DPYD: variants seen among roughly 807,000 people sequenced by gnomAD.
DPYD encodes dihydropyrimidine dehydrogenase.
DPYD carries 109 observed loss-of-function variants against 116.2 expected under a neutral mutation model. The ratio of observed to expected loss-of-function variants is 0.94; its 90% CI spans 0.80 to 1.10. DPYD has a LOEUF of 1.10. Ranked by LOEUF, DPYD falls within the 50% of genes least tolerant of loss-of-function variation. The pLI is 0.00. For missense variants in DPYD, 1,302 were observed against 1,254.5 expected (o/e 1.04, Z -0.57); for synonymous variants, 440 against 432.0 (o/e 1.02, Z -0.23).
intron 14 of DPYD, among the ~76,000 whole-genome samples, chr1:97,436,062 T>C (rs1455994564): frequency 6.6e-6 from 1 of 152,044 alleles, no homozygotes; most frequent in African/African-American, 2.4e-5. Context: ...ATGGGCCCTT[T>C]GCACATTTTA....
chr1:97,211,935 C>G (rs1393770504), intron 19 of DPYD, among the ~76,000 whole-genome samples: 1 of 152,044 alleles, frequency 6.6e-6, no homozygotes, highest in Non-Finnish European at 1.5e-5. Flanking sequence ...GTGAAATCCC[C>G]CTTACTTGCC....
chr1:97,306,383 G>C, intron 16 of DPYD, 86 bp from the exon 17 acceptor site: 1 of 1,566,826 alleles, frequency 6.4e-7, no homozygotes, highest in Non-Finnish European at 8.8e-7. Context: ...AGCTGGAGAC[G>C]TGCAAGACAA....
chr1:97,362,107 C>G (rs147193697), intron 16 of DPYD, among the ~76,000 whole-genome samples: 8,321 of 152,318 alleles, frequency 0.055, 324 homozygotes, highest in East Asian at 0.17. Flanking sequence ...TCAGCAAAGT[C>G]TCAGGATACA....
At chr1:97,415,566 C>G (rs1674246721) in intron 14 of DPYD, among the ~76,000 whole-genome samples, 1 of 152,276 alleles carries the variant, frequency 6.6e-6, no homozygotes, top group African/African-American at 2.4e-5. Context: ...AAGTGATCTG[C>G]TCACCTTGGT....
At chr1:97,780,095 G>A (rs779627332) in intron 3 of DPYD, among the ~76,000 whole-genome samples, 1 of 152,098 alleles carries the variant, frequency 6.6e-6, no homozygotes, top group Non-Finnish European at 1.5e-5. Context: ...TCCCACAAAA[G>A]CAATTTTTAA....
intron 2 of DPYD, among the ~76,000 whole-genome samples, chr1:97,850,148 A>T (rs1670500882): frequency 6.6e-6 from 1 of 152,216 alleles, no homozygotes; most frequent in Non-Finnish European, 1.5e-5. Flanking sequence ...TGAGCTGTCT[A>T]AGGGAAATGA....
At chr1:97,310,649 G>A (rs1328716236) in intron 16 of DPYD, among the ~76,000 whole-genome samples, 1 of 151,662 alleles carries the variant, frequency 6.6e-6, no homozygotes, top group Non-Finnish European at 1.5e-5. Flanking sequence ...TCTGACTTAA[G>A]TATTCTAAAG....
At chr1:97,079,914 A>G (rs2101551056) in intron 22 of DPYD, among the ~76,000 whole-genome samples, 1 of 152,032 alleles carries the variant, frequency 6.6e-6, no homozygotes, top group Middle Eastern at 3.4e-3. Flanking sequence ...TCTTTCCATG[A>G]AGCAATGTAG....
intron 20 of DPYD, among the ~76,000 whole-genome samples, chr1:97,134,014 AATATATATAT>A (rs1165027630): frequency 0.012 from 228 of 18,588 alleles, 3 homozygotes; most frequent in South Asian, 0.018. Context: ...AAAAAAAAAA[AATATATATAT>A]ATATATATAT....
rs148760136 is a variant in DPYD, at chr1:97,228,541, C to T, written c.2442+6311G>A. ...CTCACTTATCTACATAGTCTATACA[C>T]ATGATGAATAGTGTATGAGAAAAAT... is the stretch of plus-strand genomic sequence containing the variant. On this transcript the variant is annotated intron_variant, in intron 19 of 22. Transcript: ENST00000370192. 8.7e-4 allele frequency among the ~76,000 whole-genome samples: 132 copies of T among 152,228 alleles called. 1 individual carries two copies. Among genetic ancestry groups the T allele is most frequent in the African/African-American group, 3.0e-3 (124 of 41,552 alleles).
At chr1:97,094,025 T>C (rs1650062256) in intron 21 of DPYD, among the ~76,000 whole-genome samples, 1 of 152,024 alleles carries the variant, frequency 6.6e-6, no homozygotes, top group African/African-American at 2.4e-5. Flanking sequence ...AAACAATCTT[T>C]TCCTCTACTC....
intron 20 of DPYD, among the ~76,000 whole-genome samples, chr1:97,139,573 T>C (rs140213659): frequency 3.3e-5 from 5 of 152,294 alleles, no homozygotes; most frequent in Non-Finnish European, 7.4e-5. Flanking sequence ...TGAAGTATCA[T>C]TACATCCTTG....
chr1:97,538,051 T>C (rs1282007110), intron 12 of DPYD, among the ~76,000 whole-genome samples: 1 of 143,488 alleles, frequency 7.0e-6, no homozygotes, highest in Non-Finnish European at 1.5e-5. Flanking sequence ...TGGGCAACAA[T>C]AGTGAAACTC....
chr1:97,755,015 C>T (rs1665150668), intron 3 of DPYD, among the ~76,000 whole-genome samples: 1 of 152,136 alleles, frequency 6.6e-6, no homozygotes, highest in Non-Finnish European at 1.5e-5. Context: ...TAAGAAGACA[C>T]AGAATGTGAG....
chr1:97,372,625 A>G (rs2101509555), intron 16 of DPYD, among the ~76,000 whole-genome samples: 1 of 152,322 alleles, frequency 6.6e-6, no homozygotes, highest in Non-Finnish European at 1.5e-5. Flanking sequence ...GTACTTTAAA[A>G]TTCTTCCTGA....
chr1:97,828,438 T>C (rs555744226), intron 2 of DPYD, among the ~76,000 whole-genome samples: 1 of 152,190 alleles, frequency 6.6e-6, no homozygotes, highest in Non-Finnish European at 1.5e-5. Context: ...GGAGTTTCGT[T>C]ATCAATTTTT....
At chr1:97,901,440 C>A (rs1281942216) in intron 1 of DPYD, among the ~76,000 whole-genome samples, 1 of 151,820 alleles carries the variant, frequency 6.6e-6, no homozygotes, top group African/African-American at 2.4e-5. Flanking sequence ...TCCTGGTACA[C>A]ATTGCTTATA....
intron 20 of DPYD, among the ~76,000 whole-genome samples, chr1:97,137,234 C>CCAGCTAACACAGTGTGTGA (rs1653878657): frequency 6.6e-6 from 1 of 152,198 alleles, no homozygotes; most frequent in Non-Finnish European, 1.5e-5. Flanking sequence ...GATGCATGGA[C>CCAGCTAACACAGTGTGTGA]CAGCTAACAC....
At chr1:97,287,987 G>A (rs1665840197) in intron 18 of DPYD, among the ~76,000 whole-genome samples, 1 of 150,986 alleles carries the variant, frequency 6.6e-6, no homozygotes, top group Admixed American at 6.6e-5. Flanking sequence ...AAGGATGGAG[G>A]AAGATCTACC....
Sources: gnomAD v4.1 joint callset for allele counts (sites outside exome capture counted in the v4.1 genomes callset) on GRCh38, gnomAD v4.1.1 for gene constraint, MANE v1.5 for transcripts, NCBI Gene and HGNC (gene_info 2026-07-23, HGNC 2026-07-21) for gene names.